The following EVL variants were observed in gnomAD, a reference collection of about 807,000 sequenced individuals.
EVL encodes the protein Enah/Vasp-like.
A neutral mutation model predicts 59.6 loss-of-function variants in EVL; 21 were observed. That is an observed-to-expected ratio of 0.35 (90% CI 0.25 to 0.51). The LOEUF is 0.51. Among genes scored for constraint, EVL ranks in the 20% least tolerant of loss-of-function variants. The pLI is 0.97. For synonymous variants in EVL, 198 were observed against 203.5 expected (o/e 0.97, Z 0.23); for missense variants, 462 against 546.6 (o/e 0.85, Z 1.54).
chr14:100,007,710 A>G (rs1337692861), intron 1 of EVL, among the ~76,000 whole-genome samples: 1 of 152,208 alleles, frequency 6.6e-6, no homozygotes, highest in East Asian at 1.9e-4. Context: ...ACAGCTTCAC[A>G]GGATGCATTT....
chr14:100,091,354 G>A (rs1285623512), intron 2 of EVL, among the ~76,000 whole-genome samples: 1 of 152,042 alleles, frequency 6.6e-6, no homozygotes, highest in Non-Finnish European at 1.5e-5. Flanking sequence ...CAGAGAGGCC[G>A]AGGAGAATCT....
At chr14:100,136,648 G>A (rs1449138245) in intron 9 of EVL, among the ~76,000 whole-genome samples, 1 of 152,150 alleles carries the variant, frequency 6.6e-6, no homozygotes, top group Admixed American at 6.5e-5. Flanking sequence ...CCAGCTGTTC[G>A]CGTGTGTCTC....
chr14:100,024,040 C>T (rs757362051), intron 1 of EVL, among the ~76,000 whole-genome samples: 38 of 152,296 alleles, frequency 2.5e-4, no homozygotes, highest in Non-Finnish European at 5.0e-4. Context: ...TGGTATTTGA[C>T]TTATTCCGAT....
Position 100,013,149 on chromosome 14 carries a change from C to G in EVL, c.5+41092C>G, listed in dbSNP as rs1428193557. Among the ~76,000 whole-genome samples the G allele has an allele frequency of 2.0e-5, 3 of 152,124 alleles. 1 individual carries two copies. The highest frequency in any genetic ancestry group is 2.4e-5 in the African/African-American group (1 of 41,406). ...TTGTGGGGAGTTAAACCCCTCAGGCCTCACCTTCTAGCCATTCTAGTTCCA... is the reference window on the plus strand; with the variant it reads ...TTGTGGGGAGTTAAACCCCTCAGGCGTCACCTTCTAGCCATTCTAGTTCCA... On this transcript the variant is annotated intron_variant, in intron 1 of 13. Transcript: ENST00000402714.
intron 1 of EVL, among the ~76,000 whole-genome samples, chr14:100,059,458 C>T (rs2061785959): frequency 6.6e-6 from 1 of 152,178 alleles, no homozygotes; most frequent in Non-Finnish European, 1.5e-5. Flanking sequence ...AGGGCAAAGA[C>T]AGCAGAGTTC....
chr14:100,097,748 C>T (rs1251965937), intron 3 of EVL, 90 bp downstream of exon 3: 4 of 1,238,678 alleles, frequency 3.2e-6, no homozygotes, highest in Non-Finnish European at 4.5e-6. Context: ...GGTATCCTAG[C>T]ACTGTCACTG....
At chr14:100,090,589 AT>A (rs1376011779) in intron 2 of EVL, among the ~76,000 whole-genome samples, 2 of 152,242 alleles carry the variant, frequency 1.3e-5, no homozygotes, top group African/African-American at 4.8e-5. Context: ...CTAATAATGT[AT>A]TAAAAAGAAA....
intron 1 of EVL, among the ~76,000 whole-genome samples, chr14:100,067,440 G>C (rs999676736): frequency 6.6e-6 from 1 of 152,194 alleles, no homozygotes; most frequent in Non-Finnish European, 1.5e-5. Context: ...TTTCACTGAC[G>C]TTATTTAGTT....
intron 1 of EVL, among the ~76,000 whole-genome samples, chr14:100,067,658 A>G (rs2061961229): frequency 2.0e-5 from 3 of 152,190 alleles, no homozygotes; most frequent in Admixed American, 2.0e-4. Context: ...ACTTGACAAG[A>G]GACATAGCCA....
intron 1 of EVL, among the ~76,000 whole-genome samples, chr14:99,985,133 G>T (rs1387431827): frequency 2.0e-5 from 3 of 151,216 alleles, no homozygotes; most frequent in South Asian, 2.1e-4. Flanking sequence ...TTGCTTGACA[G>T]ATATATATAT....
chr14:100,039,351 C>G (rs2061433661), intron 1 of EVL, among the ~76,000 whole-genome samples: 1 of 152,208 alleles, frequency 6.6e-6, no homozygotes, highest in African/African-American at 2.4e-5. Context: ...ATTCTCCTGC[C>G]TCAGCCTCCC....
chr14:99,997,460 A>G (rs1226203726), intron 1 of EVL, among the ~76,000 whole-genome samples: 1 of 152,264 alleles, frequency 6.6e-6, no homozygotes, highest in Admixed American at 6.5e-5. Flanking sequence ...ACAGCTGGGC[A>G]TGCAGTATAT....
At chr14:100,062,200 C>CTG (rs1471438238), upstream of EVL, among the ~76,000 whole-genome samples, 2 of 74,998 alleles carry the variant, frequency 2.7e-5, no homozygotes, top group African/African-American at 1.2e-4. Flanking sequence ...CAAGAGTCAG[C>CTG]TGTGTGTATA....
intron 1 of EVL, among the ~76,000 whole-genome samples, chr14:99,979,007 AC>A (rs1290232607): frequency 6.6e-6 from 1 of 152,186 alleles, no homozygotes; most frequent in Admixed American, 6.5e-5. Flanking sequence ...TTTCTAGACT[AC>A]TGCCTGAATT....
intron 1 of EVL, among the ~76,000 whole-genome samples, chr14:100,045,909 C>T (rs1474154152): frequency 2.0e-5 from 3 of 152,124 alleles, no homozygotes; most frequent in Non-Finnish European, 2.9e-5. Flanking sequence ...TTCCTCCAGC[C>T]GTGTCCTGCA....
At position 100,112,676 on chromosome 14, in the gene EVL, C is replaced by T. The variant is rs542160343; in HGVS notation, c.359-10863C>T. On this transcript the variant is annotated intron_variant, in intron 3 of 13. Transcript: ENST00000392920. Reference sequence around the variant, plus strand: ...CCAGAATGTTTTCTCCCCAAAACCTCAGGGCTCCTTCCCTCACTTCTTCCG... The same window carrying T: ...CCAGAATGTTTTCTCCCCAAAACCTTAGGGCTCCTTCCCTCACTTCTTCCG... Among the ~76,000 whole-genome samples the T allele has an allele frequency of 5.9e-5, 9 of 152,348 alleles. No individual in the cohort carries two copies. The East Asian group carries it at 1.7e-3, about 29-fold the overall frequency.
intron 11 of EVL, 185 bp downstream of exon 11, chr14:100,137,987 CCT>C: frequency 3.2e-6 from 2 of 629,088 alleles, no homozygotes; most frequent in Non-Finnish European, 5.6e-6. Context: ...CCGTCTTTTC[CCT>C]CTGAGAGAGA....
intron 1 of EVL, among the ~76,000 whole-genome samples, chr14:99,988,489 T>C: frequency 6.6e-6 from 1 of 151,548 alleles, no homozygotes; most frequent in East Asian, 1.9e-4. Flanking sequence ...TGCTGGGGAG[T>C]GTAAAATGGT....
At chr14:100,103,704 C>T (rs1156667035) in intron 3 of EVL, among the ~76,000 whole-genome samples, 7 of 152,088 alleles carry the variant, frequency 4.6e-5, no homozygotes, top group African/African-American at 1.7e-4. Context: ...CATTAAGGCC[C>T]GGCTGCTGTT....
Sources: gnomAD v4.1 joint callset for allele counts (sites outside exome capture counted in the v4.1 genomes callset) on GRCh38, gnomAD v4.1.1 for gene constraint, MANE v1.5 for transcripts, NCBI Gene and HGNC (gene_info 2026-07-23, HGNC 2026-07-21) for gene names.